OTOGL: variants seen among roughly 807,000 people sequenced by gnomAD.
The protein encoded by OTOGL is otogelin-like protein.
OTOGL carries 285 observed loss-of-function variants against 318.5 expected under a neutral mutation model. The ratio of observed to expected loss-of-function variants is 0.89; its 90% CI spans 0.81 to 0.99. The LOEUF (loss-of-function observed/expected upper bound fraction) is 0.99. OTOGL is among the 50% of genes least tolerant of loss of function. OTOGL has a pLI of 0.00. For synonymous variants in OTOGL, 987 were observed against 936.5 expected, an observed-to-expected ratio of 1.05 and a Z score of -0.99; for missense variants, 2,899 against 2,845.6, an observed-to-expected ratio of 1.02 and a Z score of -0.43.
chr12:80,331,024 G>C (rs1888033261), intron 37 of OTOGL, among the ~76,000 whole-genome samples: 1 of 152,134 alleles, frequency 6.6e-6, no homozygotes, highest in African/African-American at 2.4e-5. Context: ...TGTTAAGATA[G>C]CAATACTCCC....
intron 11 of OTOGL, among the ~76,000 whole-genome samples, chr12:80,250,020 G>C (rs963919011): frequency 1.3e-5 from 2 of 151,926 alleles, no homozygotes; most frequent in African/African-American, 2.4e-5. Flanking sequence ...GCCCTGCTTC[G>C]GCTCGCGCAC....
intron 19 of OTOGL, among the ~76,000 whole-genome samples, chr12:80,262,780 G>T (rs1283706134): frequency 2.0e-5 from 3 of 152,068 alleles, no homozygotes; most frequent in African/African-American, 7.2e-5. Flanking sequence ...TATTCAGATA[G>T]AAGATATATA....
At chr12:80,182,734 A>G (rs1450766420) in intron 1 of OTOGL, among the ~76,000 whole-genome samples, 1 of 152,258 alleles carries the variant, frequency 6.6e-6, no homozygotes, top group Non-Finnish European at 1.5e-5. Context: ...AATATGTGCA[A>G]TGATACATTT....
Position 80,255,122 on chromosome 12 carries a change from C to A in OTOGL, c.1524C>A (p.Ile508=). Residue 508 remains isoleucine, a synonymous_variant, in exon 16 of 59, where the codon ATC becomes ATA. Transcript: ENST00000547103. ...HYSFIGMCQY[I]LVKGTGKDKF... ...CTTTTATTGGCATGTGCCAATACATCCTCGTGAAAGGAACTGGAAAAGATA... is the reference window on the plus strand; with the variant it reads ...CTTTTATTGGCATGTGCCAATACATACTCGTGAAAGGAACTGGAAAAGATA... 6.6e-7 allele frequency: 1 copy of A among 1,526,472 alleles called. No homozygotes were observed. Among genetic ancestry groups the A allele is most frequent in the African/African-American group, 1.4e-5 (1 of 71,728 alleles). The allele number at this position is 1,526,472 out of a possible 1,614,324, so 94.6% of individuals were successfully genotyped here. A position where few individuals can be genotyped will look rare whatever the true frequency, so the allele number is the denominator to read the frequency against.
At chr12:80,332,862 ATTATTACC>A in intron 37 of OTOGL, 135 bp from the exon 38 acceptor site, 1 of 654,756 alleles carries the variant, frequency 1.5e-6, no homozygotes. Context: ...TGTCGATACT[ATTATTACC>A]AACATCACAG....
chr12:80,377,827 T>TC (rs1264789049), intron 58 of OTOGL, 21 bp from the exon 59 acceptor site: 2 of 1,565,506 alleles, frequency 1.3e-6, no homozygotes, highest in Non-Finnish European at 1.7e-6. Context: ...AGACTTTTTT[T>TC]CTCATTGTCA....
At chr12:80,281,264 T>A (rs552357934) in intron 26 of OTOGL, among the ~76,000 whole-genome samples, 1 of 152,056 alleles carries the variant, frequency 6.6e-6, no homozygotes, top group Admixed American at 6.6e-5. Flanking sequence ...GGCATCCTTG[T>A]CTTGTTCCAC....
chr12:80,242,644 T>C (rs552427341), intron 11 of OTOGL, among the ~76,000 whole-genome samples: 1 of 152,260 alleles, frequency 6.6e-6, no homozygotes, highest in South Asian at 2.1e-4. Flanking sequence ...TGATAGTGTA[T>C]TGAATTCAAT....
At chr12:80,249,398 CTGAAGGTCTGTTGGAATACCCTGCCGTG>C (rs1259423694) in intron 11 of OTOGL, among the ~76,000 whole-genome samples, 1 of 151,242 alleles carries the variant, frequency 6.6e-6, no homozygotes, top group Non-Finnish European at 1.5e-5. Flanking sequence ...GGACCCTCAG[CTGAAGGTCTGTTGGAATACCCTGCCGTG>C]TGAGGTGTCA....
chr12:80,212,633 T>C (rs1877355051), intron 4 of OTOGL, among the ~76,000 whole-genome samples: 1 of 152,182 alleles, frequency 6.6e-6, no homozygotes, highest in African/African-American at 2.4e-5. Context: ...AAAAGATGGA[T>C]GGTAAAATAC....
rs1016140705 is a variant in OTOGL at position 80,128,535 on chromosome 12, C to A, written c.-20+28930C>A. 4.6e-5 allele frequency among the ~76,000 whole-genome samples: 7 copies of A among 152,314 alleles called. No individual in the cohort carries two copies. In the East Asian group the frequency reaches 9.7e-4, roughly 21 times the overall value. On this transcript the variant is annotated intron_variant, in intron 1 of 58. Transcript: ENST00000547103. The stretch of plus-strand genomic sequence containing the variant: ...CTGCCTGTTCTCAGATCTCCAGCTG[C>A]GTGCTGGGAGAACCACTACTCTCTT...
At chr12:80,205,810 T>C (rs750327119) in intron 1 of OTOGL, among the ~76,000 whole-genome samples, 40 of 152,232 alleles carry the variant, frequency 2.6e-4, no homozygotes, top group Non-Finnish European at 4.1e-4. Flanking sequence ...ATGAGTGTTA[T>C]GTAAATCACC....
At chr12:80,239,149 T>C (rs867641554) in intron 10 of OTOGL, among the ~76,000 whole-genome samples, 171 bp downstream of exon 10, 68 of 152,212 alleles carry the variant, frequency 4.5e-4, no homozygotes, top group Admixed American at 4.6e-4. Flanking sequence ...GTGAATGTAG[T>C]GAATTTCATA....
At chr12:80,278,405 T>C (rs886575018) in intron 25 of OTOGL, 130 bp downstream of exon 25, 3 of 702,570 alleles carry the variant, frequency 4.3e-6, no homozygotes, top group African/African-American at 1.8e-5. Flanking sequence ...TTTAAAGGCC[T>C]GCAGGAGTTG....
At chr12:80,291,997 T>C (rs1459819935) in intron 26 of OTOGL, among the ~76,000 whole-genome samples, 3 of 152,192 alleles carry the variant, frequency 2.0e-5, no homozygotes, top group Non-Finnish European at 4.4e-5. Flanking sequence ...TTTCTTTTTT[T>C]GTTTTTTTGA....
rs759370943 is a variant in OTOGL, at chr12:80,265,229, AT to A, written c.2224+20del. 3.1e-6 allele frequency: 5 copies of A among 1,597,542 alleles called. No individual in the cohort carries two copies. The Middle Eastern group carries it at 5.4e-4, about 174-fold the overall frequency. On this transcript the variant is annotated intron_variant, in intron 20 of 58. Coordinates refer to ENST00000547103, the MANE Select transcript of OTOGL (RefSeq NM_001378609.3). ...TTCTGTGGTGAGTACAATGGCACAGATAAAGACTATCAGATAATACCTTAGA... is the reference window on the plus strand; with the variant it reads ...TTCTGTGGTGAGTACAATGGCACAGAAAAGACTATCAGATAATACCTTAGA...
At chr12:80,355,695 GC>G in intron 46 of OTOGL, 40 bp from the exon 47 acceptor site, 1 of 1,514,650 alleles carries the variant, frequency 6.6e-7, no homozygotes, top group South Asian at 1.2e-5. Flanking sequence ...TTATTTTAGT[GC>G]CCAGGTTTTG....
chr12:80,200,857 A>G (rs1401047961), intron 1 of OTOGL, among the ~76,000 whole-genome samples: 2 of 152,240 alleles, frequency 1.3e-5, no homozygotes, highest in African/African-American at 4.8e-5. Context: ...AAATAAATAT[A>G]TAATATACTA....
At chr12:80,184,271 C>A (rs930378833) in intron 1 of OTOGL, among the ~76,000 whole-genome samples, 1 of 152,294 alleles carries the variant, frequency 6.6e-6, no homozygotes. Flanking sequence ...ATTAGCCACA[C>A]CAGGCTTAAC....
Sources: gnomAD v4.1 joint callset for allele counts (sites outside exome capture counted in the v4.1 genomes callset) on GRCh38, gnomAD v4.1.1 for gene constraint, MANE v1.5 for transcripts, NCBI Gene and HGNC (gene_info 2026-07-23, HGNC 2026-07-21) for gene names.